The following LILRB1 variants were observed in gnomAD, a reference collection of about 807,000 sequenced individuals.
The protein encoded by LILRB1 is leukocyte immunoglobulin-like receptor subfamily B member 1.
A neutral mutation model predicts 74.6 loss-of-function variants in LILRB1; 59 were observed. The ratio of observed to expected loss-of-function variants is 0.79; its 90% CI spans 0.64 to 0.98. The LOEUF is 0.98. Among genes scored for constraint, LILRB1 ranks in the 50% least tolerant of loss-of-function variants. LILRB1 has a pLI of 0.00. For synonymous variants in LILRB1, 328 were observed against 333.9 expected (o/e 0.98, Z 0.19); for missense variants, 804 against 822.6 (o/e 0.98, Z 0.28).
In LILRB1 at chr19:54,632,516, T is replaced by C; in HGVS notation, c.714T>C (p.Pro238=). ...LSVQPGPIVA[P]EETLTLQCGS... ...TGCAGCCAGGTCCTATCGTGGCCCCTGAGGAGACCCTGACTCTGCAGTGTG... is the reference window on the plus strand; with the variant it reads ...TGCAGCCAGGTCCTATCGTGGCCCCCGAGGAGACCCTGACTCTGCAGTGTG... The change falls in exon 6 of 15, where the codon CCT becomes CCC. Residue 238 remains proline (P), a synonymous_variant. Coordinates refer to ENST00000324602, the MANE Select transcript of LILRB1 (RefSeq NM_001081637.3). 1 of 1,614,042 alleles carries C rather than the reference T, an allele frequency of 6.2e-7. No homozygotes were observed. The highest frequency in any genetic ancestry group is 8.5e-7 in the Non-Finnish European group (1 of 1,179,950).
intron 1 of LILRB1, 111 bp from the exon 2 acceptor site, chr19:54,630,915 T>C: frequency 8.4e-7 from 1 of 1,189,044 alleles, no homozygotes; most frequent in Non-Finnish European, 1.1e-6. Context: ...AGAGCAAGGG[T>C]CCTGGGGAGG....
In LILRB1 at chr19:54,636,757, A is replaced by T; in HGVS notation, c.1838A>T (p.Asp613Val). The change falls in exon 15 of 15, where the codon GAT (aspartate) becomes GTT (valine). Residue 613 changes from aspartate to valine, a missense_variant. Transcript: ENST00000324602. ...GCTGCTGCATCTGAAGCCCCCCAGG[A>T]TGTGACCTACGCCCAGCTGCACAGC... is the stretch of plus-strand genomic sequence containing the variant. ...TEAAASEAPQDVTYAQLHSLT... is the reference protein window; with the variant it reads ...TEAAASEAPQVVTYAQLHSLT... The T allele has an allele frequency of 6.4e-7, 1 of 1,567,590 alleles. No individual in the cohort carries two copies. The highest frequency in any genetic ancestry group is 8.7e-7 in the Non-Finnish European group (1 of 1,154,200).
At chr19:54,628,902 A>G (rs1053548404), upstream of LILRB1, among the ~76,000 whole-genome samples, 1 of 152,206 alleles carries the variant, frequency 6.6e-6, no homozygotes, top group Non-Finnish European at 1.5e-5. Context: ...AACACAGCCA[A>G]TGTTATAACA....
chr19:54,627,029 G>T (rs896631778), upstream of LILRB1, among the ~76,000 whole-genome samples: 1 of 152,160 alleles, frequency 6.6e-6, no homozygotes, highest in South Asian at 2.1e-4. Flanking sequence ...CTATCCCAGG[G>T]TCTGTCCACA....
intron 6 of LILRB1, 23 bp downstream of exon 6, chr19:54,632,783 T>C: frequency 6.2e-7 from 1 of 1,611,328 alleles, no homozygotes; most frequent in South Asian, 1.1e-5. Context: ...GCGGGTTCAG[T>C]CAGGGACCCA....
intron 13 of LILRB1, chr19:54,636,261 A>T: frequency 1.3e-6 from 1 of 753,766 alleles, no homozygotes; most frequent in Non-Finnish European, 2.1e-6. Flanking sequence ...CCCAGGCAGC[A>T]GCGAGCTCTT....
intron 1 of LILRB1, among the ~76,000 whole-genome samples, chr19:54,624,007 C>A (rs1341476378): frequency 6.6e-6 from 1 of 152,218 alleles, no homozygotes; most frequent in Non-Finnish European, 1.5e-5. Context: ...GAGCCACCCT[C>A]GGCACAAGCA....
chr19:54,626,988 T>A (rs1171139311), upstream of LILRB1, among the ~76,000 whole-genome samples: 2 of 152,214 alleles, frequency 1.3e-5, no homozygotes, highest in Admixed American at 6.5e-5. Context: ...GGTGGCTCAA[T>A]GCTGAGTGTG....
chr19:54,630,731 G>C (rs528346476), intron 1 of LILRB1, 98 bp downstream of exon 1: 3 of 754,884 alleles, frequency 4.0e-6, no homozygotes, highest in South Asian at 1.5e-5. Flanking sequence ...CGCTACCCTC[G>C]TCAGGAAGGG....
At chr19:54,632,438 T>C in intron 5 of LILRB1, 26 bp from the exon 6 acceptor site, 1 of 1,579,396 alleles carries the variant, frequency 6.3e-7, no homozygotes, top group Middle Eastern at 1.8e-4. Flanking sequence ...GGTCGGCTCC[T>C]GGAAACCATG....
rs201166306 is a variant in LILRB1, at chr19:54,636,763, C to T, written c.1844C>T (p.Thr615Ile). 2,376 of 1,611,606 alleles carry T rather than the reference C, an allele frequency of 1.5e-3. 5 individuals carry two copies. Among genetic ancestry groups the T allele is most frequent in the Non-Finnish European group, 1.7e-3 (2,045 of 1,179,054 alleles). ...GCATCTGAAGCCCCCCAGGATGTGA[C>T]CTACGCCCAGCTGCACAGCTTGACC... ...AAASEAPQDV[T>I]YAQLHSLTLR... Residue 615 changes from threonine (T) to isoleucine (I), a missense_variant, in exon 15 of 15, where the codon ACC (threonine) becomes ATC (isoleucine). Transcript: ENST00000324602.
At chr19:54,627,610 A>G (rs2063630703), upstream of LILRB1, among the ~76,000 whole-genome samples, 2 of 152,262 alleles carry the variant, frequency 1.3e-5, no homozygotes, top group Admixed American at 6.5e-5. Flanking sequence ...CTTGCCCAGC[A>G]ACGGCATCTC....
upstream of LILRB1, among the ~76,000 whole-genome samples, chr19:54,629,733 A>C (rs2146223466): frequency 8.0e-6 from 1 of 125,574 alleles, no homozygotes; most frequent in East Asian, 2.2e-4. Flanking sequence ...GGCTCCACTC[A>C]GTGGTGGAAA....
chr19:54,634,610 C>T, intron 9 of LILRB1, 31 bp from the exon 10 acceptor site: 1 of 1,592,062 alleles, frequency 6.3e-7, no homozygotes, highest in East Asian at 2.3e-5. Flanking sequence ...TCAATGACAT[C>T]ACCCCCATCC....
rs634222 is a variant in LILRB1, at chr19:54,636,785, G to T, written c.1866G>T (p.Leu622Phe). The change falls in exon 15 of 15, where the codon TTG (leucine) becomes TTT (phenylalanine). Residue 622 changes from leucine (L) to phenylalanine (F), a missense_variant. Physicochemically the swap from Leu to Phe is conservative, Grantham distance 22. Transcript: ENST00000324602. ...QDVTYAQLHS[L>F]TLRREATEPP... is the part of the protein sequence containing the mutation. ...TGACCTACGCCCAGCTGCACAGCTT[G>T]ACCCTCAGACGGGAGGCAACTGAGC... The T allele has an allele frequency of 6.1e-5, 99 of 1,611,502 alleles. No individual in the cohort carries two copies. Among genetic ancestry groups the T allele is most frequent in the Non-Finnish European group, 7.5e-5 (89 of 1,179,264 alleles).
intron 1 of LILRB1, 183 bp downstream of exon 1, chr19:54,630,816 C>T (rs74558587): frequency 1.7e-4 from 128 of 762,960 alleles, no homozygotes; most frequent in African/African-American, 1.1e-3. Context: ...ACCAGACAGA[C>T]GGTGGCTGGG....
upstream of LILRB1, chr19:54,630,301 C>T (rs188214837): frequency 1.2e-4 from 35 of 283,428 alleles, no homozygotes; most frequent in East Asian, 2.8e-4. Context: ...TGCAGAGGGA[C>T]GGCCAAGTAA....
At chr19:54,633,398 G>A (rs1473297344) in intron 7 of LILRB1, 80 bp downstream of exon 7, 7 of 1,533,960 alleles carry the variant, frequency 4.6e-6, no homozygotes, top group Middle Eastern at 1.9e-4. Context: ...GGCTGGGATG[G>A]AGTGAGCGGG....
intron 8 of LILRB1, 31 bp from the exon 9 acceptor site, chr19:54,633,940 C>T (rs1333781872): frequency 1.3e-6 from 2 of 1,573,832 alleles, no homozygotes; most frequent in Non-Finnish European, 1.7e-6. Context: ...AGCAGGGCAG[C>T]CCCAGCCCTC....
Sources: gnomAD v4.1 joint callset for allele counts (sites outside exome capture counted in the v4.1 genomes callset) on GRCh38, gnomAD v4.1.1 for gene constraint, MANE v1.5 for transcripts, NCBI Gene and HGNC (gene_info 2026-07-23, HGNC 2026-07-21) for gene names.